The following DPYD variants were observed in gnomAD, a reference collection of about 807,000 sequenced individuals.
DPYD encodes the protein dihydropyrimidine dehydrogenase [NADP(+)].
In DPYD, 109 loss-of-function variants were observed where a neutral mutation model predicts 116.2. That is an observed-to-expected ratio of 0.94 (90% CI 0.80 to 1.10). DPYD has a LOEUF of 1.10. Ranked by LOEUF, DPYD falls within the 50% of genes least tolerant of loss-of-function variation. The probability of loss-of-function intolerance (pLI) is 0.00; values close to 1 mark genes in which losing one functional copy is unlikely to be tolerated. For missense variants in DPYD, 1,302 were observed against 1,254.5 expected (o/e 1.04, Z -0.57); for synonymous variants, 440 against 432.0 (o/e 1.02, Z -0.23).
chr1:97,737,716 T>TTG (rs890449934), intron 4 of DPYD, among the ~76,000 whole-genome samples: 1 of 151,682 alleles, frequency 6.6e-6, no homozygotes, highest in Non-Finnish European at 1.5e-5. Flanking sequence ...GTGTGTGTGT[T>TTG]TGTGTGTGTG....
chr1:97,289,717 C>T (rs1344314789), intron 18 of DPYD, among the ~76,000 whole-genome samples: 1 of 152,064 alleles, frequency 6.6e-6, no homozygotes, highest in South Asian at 2.1e-4. Context: ...TATGACTAAC[C>T]CACAGCCAAT....
At chr1:97,221,638 G>GA (rs1660780424) in intron 19 of DPYD, among the ~76,000 whole-genome samples, 1 of 151,950 alleles carries the variant, frequency 6.6e-6, no homozygotes, top group Admixed American at 6.6e-5. Flanking sequence ...ATAAAACATT[G>GA]AAAAAATTTT....
At chr1:97,920,721 T>C (rs555863459) in intron 1 of DPYD, among the ~76,000 whole-genome samples, 163 bp downstream of exon 1, 22 of 152,306 alleles carry the variant, frequency 1.4e-4, no homozygotes, top group Middle Eastern at 3.4e-3. Context: ...CGCGGGCCTG[T>C]GGCTCCGCGC....
intron 14 of DPYD, among the ~76,000 whole-genome samples, chr1:97,395,032 C>T (rs1672935920): frequency 2.0e-5 from 3 of 151,924 alleles, no homozygotes; most frequent in Admixed American, 2.0e-4. Context: ...TAAATTCGTG[C>T]TTCTCATGTA....
intron 19 of DPYD, among the ~76,000 whole-genome samples, chr1:97,217,814 G>T (rs1027433479): frequency 6.6e-6 from 1 of 152,144 alleles, no homozygotes; most frequent in African/African-American, 2.4e-5. Context: ...ATCATTGTTG[G>T]ATAATGAAAA....
At chr1:97,296,980 T>TG (rs570271109) in intron 18 of DPYD, among the ~76,000 whole-genome samples, 225 of 152,234 alleles carry the variant, frequency 1.5e-3, no homozygotes, top group Non-Finnish European at 2.5e-3. Flanking sequence ...TTGCAAAACA[T>TG]GGGGGATTAT....
chr1:97,839,623 T>A (rs1252269375), intron 2 of DPYD, among the ~76,000 whole-genome samples: 1 of 152,246 alleles, frequency 6.6e-6, no homozygotes, highest in African/African-American at 2.4e-5. Context: ...AATGATGGAA[T>A]CATAGTTTTA....
At chr1:97,790,216 T>C (rs1382946402) in intron 3 of DPYD, among the ~76,000 whole-genome samples, 3 of 152,200 alleles carry the variant, frequency 2.0e-5, no homozygotes. Flanking sequence ...AATTCTGTCT[T>C]AAAGTTGGCC....
chr1:97,098,241 T>TTAA (rs1650407328), intron 21 of DPYD, among the ~76,000 whole-genome samples: 1 of 152,174 alleles, frequency 6.6e-6, no homozygotes, highest in Non-Finnish European at 1.5e-5. Context: ...CCTGATACAT[T>TTAA]TAATGTATAT....
chr1:97,425,795 T>C (rs1334433935), intron 14 of DPYD, among the ~76,000 whole-genome samples: 1 of 146,016 alleles, frequency 6.8e-6, no homozygotes, highest in Non-Finnish European at 1.6e-5. Flanking sequence ...CCTGACAGCA[T>C]TCTTTTCATT....
intron 18 of DPYD, among the ~76,000 whole-genome samples, chr1:97,292,440 A>G (rs1398656145): frequency 6.6e-6 from 1 of 152,172 alleles, no homozygotes; most frequent in Admixed American, 6.5e-5. Context: ...TTATAAAACC[A>G]TCAGATATTG....
intron 13 of DPYD, among the ~76,000 whole-genome samples, chr1:97,490,840 C>T (rs1427213461): frequency 7.0e-6 from 1 of 143,676 alleles, no homozygotes; most frequent in East Asian, 2.1e-4. Flanking sequence ...AAAAAAAAAC[C>T]AAAAAACTGA....
chr1:97,193,095 G>A lies in DPYD; in HGVS notation c.2596C>T (p.Pro866Ser). 1.2e-6 allele frequency: 2 copies of A among 1,614,034 alleles called. No homozygotes were observed. The highest frequency in any genetic ancestry group is 1.7e-6 in the Non-Finnish European group (2 of 1,179,936). Residue 866 changes from proline to serine, a missense_variant, in exon 20 of 23, where the codon CCA becomes TCA. Transcript: ENST00000370192. ...TVSHQKGKPV[P>S]RIAELMDKKL... is the part of the protein sequence containing the mutation. ...TTGTCCATGAGTTCAGCTATACGTG[G>A]AACTGGTTTCCCTTTCTGGTGACTC...
chr1:97,907,341 G>C (rs925604478), intron 1 of DPYD, among the ~76,000 whole-genome samples: 3 of 151,982 alleles, frequency 2.0e-5, no homozygotes, highest in African/African-American at 7.2e-5. Context: ...CTTCATATAA[G>C]GACTGTGCAT....
At chr1:97,289,569 A>G (rs1489776949) in intron 18 of DPYD, among the ~76,000 whole-genome samples, 1 of 152,022 alleles carries the variant, frequency 6.6e-6, no homozygotes, top group East Asian at 1.9e-4. Context: ...GCATATAAAC[A>G]GAACCAAAGA....
chr1:97,084,468 C>T (rs1649370502), intron 21 of DPYD, among the ~76,000 whole-genome samples: 2 of 151,918 alleles, frequency 1.3e-5, no homozygotes, highest in South Asian at 2.1e-4. Flanking sequence ...TTCCTCCCTT[C>T]CTTGCCCTCT....
At chr1:97,189,002 G>C (rs1025036380) in intron 20 of DPYD, among the ~76,000 whole-genome samples, 1 of 152,130 alleles carries the variant, frequency 6.6e-6, no homozygotes, top group African/African-American at 2.4e-5. Context: ...AATGGAAAAA[G>C]TAATGGCTTG....
At chr1:97,714,832 AG>A (rs1662519123) in intron 5 of DPYD, among the ~76,000 whole-genome samples, 1 of 152,094 alleles carries the variant, frequency 6.6e-6, no homozygotes, top group African/African-American at 2.4e-5. Context: ...CCAGAAAACC[AG>A]GGTTTACATT....
At chr1:97,295,364 C>T (rs1264869316) in intron 18 of DPYD, 1 of 144,488 alleles carries the variant, frequency 6.9e-6, no homozygotes, top group Non-Finnish European at 1.5e-5. Flanking sequence ...CAATACAAGT[C>T]TGTCAACATA....
Sources: gnomAD v4.1 joint callset for allele counts (sites outside exome capture counted in the v4.1 genomes callset) on GRCh38, gnomAD v4.1.1 for gene constraint, MANE v1.5 for transcripts, NCBI Gene and HGNC (gene_info 2026-07-23, HGNC 2026-07-21) for gene names.